Variants in ZNRF2 observed in about 807,000 individuals in gnomAD.
ZNRF2 encodes the protein zinc and ring finger 2, also known as E3 ubiquitin-protein ligase ZNRF2.
In ZNRF2, 16 loss-of-function variants were observed where a neutral mutation model predicts 20.4. The observed-to-expected ratio is 0.79, with a 90% CI of 0.53 to 1.19. ZNRF2 has a LOEUF of 1.19. Among genes scored for constraint, ZNRF2 ranks in the 50% most tolerant of loss-of-function variants. The pLI is 0.00. For synonymous variants in ZNRF2, 178 were observed against 144.9 expected, an observed-to-expected ratio of 1.23 and a Z score of -1.64; for missense variants, 363 against 332.4, an observed-to-expected ratio of 1.09 and a Z score of -0.72.
At chr7:30,323,828 A>AGGACATTG in intron 2 of ZNRF2, 91 bp downstream of exon 2, 1 of 887,442 alleles carries the variant, frequency 1.1e-6, no homozygotes, top group Non-Finnish European at 1.6e-6. Context: ...AAAGGAGGGA[A>AGGACATTG]GGACATTGTT....
At chr7:30,317,638 T>C in intron 1 of ZNRF2, among the ~76,000 whole-genome samples, 1 of 152,200 alleles carries the variant, frequency 6.6e-6, no homozygotes, top group East Asian at 1.9e-4. Flanking sequence ...GGCATGGGGT[T>C]GCTTGCATGC....
At chr7:30,356,881 A>G (rs1800048596) in intron 3 of ZNRF2, among the ~76,000 whole-genome samples, 2 of 151,768 alleles carry the variant, frequency 1.3e-5, no homozygotes, top group South Asian at 4.2e-4. Context: ...AATTTTTTAT[A>G]TTTTTAGTAG....
At chr7:30,293,430 G>A (rs928884974) in intron 1 of ZNRF2, among the ~76,000 whole-genome samples, 9 of 152,146 alleles carry the variant, frequency 5.9e-5, no homozygotes, top group African/African-American at 2.2e-4. Flanking sequence ...TGTATTTTTA[G>A]TAGAGACTGG....
chr7:30,357,059 A>G (rs550686259), intron 3 of ZNRF2, among the ~76,000 whole-genome samples: 1 of 152,262 alleles, frequency 6.6e-6, no homozygotes, highest in East Asian at 1.9e-4. Flanking sequence ...TTATCATCAT[A>G]ATGGAACATT....
At chr7:30,306,195 C>G (rs1483259950) in intron 1 of ZNRF2, among the ~76,000 whole-genome samples, 1 of 152,188 alleles carries the variant, frequency 6.6e-6, no homozygotes, top group Non-Finnish European at 1.5e-5. Context: ...AATAAATTCT[C>G]CTATCTGCAA....
chr7:30,298,292 C>T (rs1038463596), intron 1 of ZNRF2, among the ~76,000 whole-genome samples: 2 of 152,086 alleles, frequency 1.3e-5, no homozygotes, highest in African/African-American at 4.8e-5. Flanking sequence ...CCTGATGACT[C>T]GGTTTCTTCC....
chr7:30,338,088 G>C (rs1279145095), intron 2 of ZNRF2, among the ~76,000 whole-genome samples: 1 of 152,096 alleles, frequency 6.6e-6, no homozygotes, highest in African/African-American at 2.4e-5. Flanking sequence ...TTCATAGGTG[G>C]ATAAACTGCA....
At chr7:30,318,887 G>A (rs536479043) in intron 1 of ZNRF2, among the ~76,000 whole-genome samples, 17 of 152,250 alleles carry the variant, frequency 1.1e-4, no homozygotes, top group South Asian at 4.2e-4. Flanking sequence ...TGAGGCGGAC[G>A]GATCACCTGA....
At chr7:30,329,959 C>T (rs1799611789) in intron 2 of ZNRF2, among the ~76,000 whole-genome samples, 3 of 152,168 alleles carry the variant, frequency 2.0e-5, no homozygotes, top group Non-Finnish European at 2.9e-5. Flanking sequence ...CACAGCCTTG[C>T]CAGCATCTGT....
intron 1 of ZNRF2, among the ~76,000 whole-genome samples, chr7:30,304,047 A>G (rs2128058421): frequency 6.6e-6 from 1 of 152,166 alleles, no homozygotes; most frequent in East Asian, 1.9e-4. Context: ...AAGGAGAGTA[A>G]TATTATTTTA....
intron 3 of ZNRF2, among the ~76,000 whole-genome samples, chr7:30,360,992 A>G (rs955937750): frequency 1.3e-5 from 2 of 152,224 alleles, no homozygotes; most frequent in Admixed American, 6.5e-5. Context: ...CTAGAATGGA[A>G]CATATGTAGA....
intron 3 of ZNRF2, among the ~76,000 whole-genome samples, chr7:30,360,713 A>G (rs1019746616): frequency 1.3e-5 from 2 of 152,168 alleles, no homozygotes; most frequent in African/African-American, 4.8e-5. Flanking sequence ...AAAAGCGAAA[A>G]TGTAAAAGCA....
chr7:30,343,341 T>C (rs1248481702), intron 2 of ZNRF2, among the ~76,000 whole-genome samples: 1 of 152,006 alleles, frequency 6.6e-6, no homozygotes, highest in Non-Finnish European at 1.5e-5. Context: ...TAGATAAAAT[T>C]TAATGCTACT....
intron 1 of ZNRF2, among the ~76,000 whole-genome samples, chr7:30,288,070 T>G (rs1398812062): frequency 2.0e-5 from 3 of 152,228 alleles, no homozygotes; most frequent in African/African-American, 4.8e-5. Flanking sequence ...GATTTTTACC[T>G]ATATTTTAGT....
chr7:30,335,388 T>C (rs1397995854), intron 2 of ZNRF2, among the ~76,000 whole-genome samples: 1 of 152,164 alleles, frequency 6.6e-6, no homozygotes, highest in African/African-American at 2.4e-5. Flanking sequence ...ATTCTCCTGG[T>C]CATAGTTTTT....
At chr7:30,344,202 G>C (rs1461576290) in intron 2 of ZNRF2, among the ~76,000 whole-genome samples, 1 of 150,846 alleles carries the variant, frequency 6.6e-6, no homozygotes, top group Admixed American at 6.6e-5. Flanking sequence ...GATTACAGGC[G>C]TGAGCCACTG....
rs551265115 is a variant in ZNRF2 at position 30,318,806 on chromosome 7, A to G, written c.470-4836A>G. On this transcript the variant is annotated intron_variant, in intron 1 of 4. Coordinates refer to ENST00000323037, the MANE Select transcript of ZNRF2 (RefSeq NM_147128.4). ...TTTTCTTAATAGGAATCTGGATTTT[A>G]TTATTAAAGAATGTCATTATAGAGG... is the stretch of plus-strand genomic sequence containing the variant. Among the ~76,000 whole-genome samples the G allele has an allele frequency of 5.3e-5, 8 of 152,334 alleles. No individual in the cohort carries two copies. In the East Asian group the frequency reaches 9.6e-4, roughly 18 times the overall value.
intron 2 of ZNRF2, among the ~76,000 whole-genome samples, chr7:30,331,448 T>C (rs1414021358): frequency 6.6e-6 from 1 of 152,188 alleles, no homozygotes; most frequent in Non-Finnish European, 1.5e-5. Flanking sequence ...ATAGGTTAAG[T>C]GGCAGATTAG....
At chr7:30,294,767 A>G (rs980639707) in intron 1 of ZNRF2, among the ~76,000 whole-genome samples, 1 of 151,992 alleles carries the variant, frequency 6.6e-6, no homozygotes, top group African/African-American at 2.4e-5. Flanking sequence ...CCTGGGTGAC[A>G]GAGCAAGACT....
Sources: gnomAD v4.1 joint callset for allele counts (sites outside exome capture counted in the v4.1 genomes callset) on GRCh38, gnomAD v4.1.1 for gene constraint, MANE v1.5 for transcripts, NCBI Gene and HGNC (gene_info 2026-07-23, HGNC 2026-07-21) for gene names.